ASXL3: variants seen among roughly 807,000 people sequenced by gnomAD.
ASXL3 encodes ASXL transcriptional regulator 3, also known as putative Polycomb group protein ASXL3.
Under a neutral mutation model 170.6 loss-of-function variants are expected in ASXL3, and 34 were observed. That is an observed-to-expected ratio of 0.20 (90% CI 0.15 to 0.27). The LOEUF is 0.27. ASXL3 is among the 10% of genes least tolerant of loss of function. ASXL3 has a pLI of 1.00. For synonymous variants in ASXL3, 1,002 were observed against 989.1 expected (o/e 1.01, Z -0.24); for missense variants, 2,592 against 2,695.3 (o/e 0.96, Z 0.85).
chr18:33,674,907 C>T (rs556017172), intron 7 of ASXL3, among the ~76,000 whole-genome samples: 5 of 152,186 alleles, frequency 3.3e-5, no homozygotes, highest in East Asian at 1.9e-4. Flanking sequence ...CGTGAGCCAC[C>T]GCACCCAGCC....
At chr18:33,683,293 A>C (rs1023655636) in intron 7 of ASXL3, 112 bp from the exon 8 acceptor site, 18 of 929,264 alleles carry the variant, frequency 1.9e-5, no homozygotes, top group Middle Eastern at 2.2e-4. Context: ...AGAAGTAAAC[A>C]TAAAATTGAA....
chr18:33,745,152 A>G lies in ASXL3; in HGVS notation c.5304A>G (p.Arg1768=). The G allele has an allele frequency of 5.0e-6, 8 of 1,614,020 alleles. No homozygotes were observed. Among genetic ancestry groups the G allele is most frequent in the Non-Finnish European group, 6.8e-6 (8 of 1,179,894 alleles). The stretch of plus-strand genomic sequence containing the variant: ...TGGAAAAAGTGTTGCCACAGCCCAG[A>G]TTGGGAGCCAAGCTTGAAATCAACA... ...LPLEKVLPQP[R]LGAKLEINRL... The change falls in exon 12 of 12, where the codon AGA becomes AGG. Residue 1768 remains arginine, a synonymous_variant. Transcript: ENST00000269197.
intron 5 of ASXL3, among the ~76,000 whole-genome samples, chr18:33,663,434 G>A (rs530339905): frequency 2.6e-5 from 4 of 152,042 alleles, no homozygotes; most frequent in African/African-American, 7.2e-5. Context: ...CATCATTTTG[G>A]TTTTGTATTA....
intron 2 of ASXL3, among the ~76,000 whole-genome samples, chr18:33,634,221 G>T (rs2065731290): frequency 6.6e-6 from 1 of 151,790 alleles, no homozygotes; most frequent in South Asian, 2.1e-4. Flanking sequence ...CACATTGTGA[G>T]GAAGAAAATA....
chr18:33,744,840 T>C lies in ASXL3; in HGVS notation c.4992T>C (p.Val1664=), dbSNP rs1295066960. Residue 1664 remains valine (V), a synonymous_variant, in exon 12 of 12, where the codon GTT becomes GTC. Transcript: ENST00000269197. ...ATCCCAGGAATCTTGTAACAAATGT[T>C]GCTCTTCCTGTGAAATCTGAACTTC... is the stretch of plus-strand genomic sequence containing the variant. ...ELHPRNLVTN[V]ALPVKSELHE... The C allele has an allele frequency of 6.2e-7, 1 of 1,614,048 alleles. No homozygotes were observed. Among genetic ancestry groups the C allele is most frequent in the Non-Finnish European group, 8.5e-7 (1 of 1,179,888 alleles).
chr18:33,677,495 T>G (rs912116857), intron 7 of ASXL3, among the ~76,000 whole-genome samples: 4 of 152,054 alleles, frequency 2.6e-5, no homozygotes, highest in African/African-American at 9.7e-5. Context: ...TATCTAAAAG[T>G]TTTCTCCAGA....
chr18:33,686,895 C>A (rs1275061472), intron 8 of ASXL3, among the ~76,000 whole-genome samples: 1 of 152,026 alleles, frequency 6.6e-6, no homozygotes, highest in Admixed American at 6.6e-5. Flanking sequence ...TTTTTGGGAG[C>A]AGGTATCTCT....
intron 8 of ASXL3, among the ~76,000 whole-genome samples, chr18:33,687,465 A>G (rs1482318102): frequency 6.6e-6 from 1 of 152,176 alleles, no homozygotes; most frequent in East Asian, 1.9e-4. Context: ...ATATTTTACA[A>G]AATCTGAAAC....
At chr18:33,604,585 C>G (rs751879113) in intron 1 of ASXL3, among the ~76,000 whole-genome samples, 10 of 151,894 alleles carry the variant, frequency 6.6e-5, no homozygotes, top group Non-Finnish European at 1.3e-4. Flanking sequence ...TCAGTGGAAC[C>G]TAGTGGGACC....
chr18:33,697,116 T>A (rs569725791), intron 8 of ASXL3, among the ~76,000 whole-genome samples: 2 of 152,134 alleles, frequency 1.3e-5, no homozygotes, highest in Admixed American at 6.6e-5. Flanking sequence ...TAGAAAAGAT[T>A]TGGCAGTTTA....
intron 8 of ASXL3, among the ~76,000 whole-genome samples, chr18:33,700,630 C>T (rs893608994): frequency 2.0e-5 from 3 of 152,148 alleles, no homozygotes; most frequent in Admixed American, 6.5e-5. Context: ...TCACTGAAAG[C>T]AGCACATCAG....
At chr18:33,670,956 T>A (rs1435342477) in intron 6 of ASXL3, among the ~76,000 whole-genome samples, 166 bp downstream of exon 6, 1 of 152,208 alleles carries the variant, frequency 6.6e-6, no homozygotes, top group Non-Finnish European at 1.5e-5. Flanking sequence ...TATAGACTAT[T>A]TCCAGTTCAG....
intron 5 of ASXL3, among the ~76,000 whole-genome samples, chr18:33,663,661 T>C (rs1395352150): frequency 6.6e-6 from 1 of 152,138 alleles, no homozygotes; most frequent in East Asian, 1.9e-4. Context: ...AGCAAATAAG[T>C]AACCAGGAGA....
rs1488302340 is a variant in ASXL3 at position 33,744,421 on chromosome 18, C to T, written c.4573C>T (p.Pro1525Ser). Residue 1525 changes from proline to serine, a missense_variant, in exon 12 of 12, where the codon CCT becomes TCT. Pro to Ser is a moderately conservative substitution (Grantham distance 74, BLOSUM62 -1). Around this residue, in one of 4 missense-constraint regions of ASXL3, gnomAD observed 2,246 missense variants for 2,219.6 expected, o/e 1.01. Coordinates refer to ENST00000269197, the MANE Select transcript of ASXL3 (RefSeq NM_030632.3). ...TCCTCAGGTGTCTGTGATTAGCAGG[C>T]CTGAGCCAGTTGCCAACGAAGGTAT... The part of the protein sequence containing the change: ...ACPQVSVISR[P>S]EPVANEGIDH... 3.1e-6 allele frequency: 5 copies of T among 1,613,806 alleles called. No individual in the cohort carries two copies. Among genetic ancestry groups the T allele is most frequent in the Non-Finnish European group, 4.2e-6 (5 of 1,179,806 alleles).
chr18:33,701,053 T>C lies in ASXL3; in HGVS notation c.879+17485T>C, dbSNP rs185959705. On this transcript the variant is annotated intron_variant, in intron 8 of 11. Transcript: ENST00000269197. ...AAAAGATCTGTTGTTTTTTGTCTTTTTTTTTTAAAAGTTATTAGCTATACA... is the reference window on the plus strand; with the variant it reads ...AAAAGATCTGTTGTTTTTTGTCTTTCTTTTTTAAAAGTTATTAGCTATACA... Among the ~76,000 whole-genome samples the C allele has an allele frequency of 5.0e-3, 759 of 152,218 alleles. 5 individuals carry two copies. The highest frequency in any genetic ancestry group is 0.014 in the Middle Eastern group (4 of 294).
At chr18:33,613,162 T>A (rs2065364082) in intron 2 of ASXL3, among the ~76,000 whole-genome samples, 1 of 152,150 alleles carries the variant, frequency 6.6e-6, no homozygotes, top group East Asian at 1.9e-4. Flanking sequence ...AGATTAGAAA[T>A]CTCAATCAGT....
At chr18:33,591,353 G>A (rs2065075329) in intron 1 of ASXL3, among the ~76,000 whole-genome samples, 1 of 152,116 alleles carries the variant, frequency 6.6e-6, no homozygotes, top group Non-Finnish European at 1.5e-5. Flanking sequence ...TCTGTCCTGG[G>A]CAGAGTTGCT....
chr18:33,735,496 A>G (rs2067530071), intron 10 of ASXL3, among the ~76,000 whole-genome samples: 1 of 152,208 alleles, frequency 6.6e-6, no homozygotes, highest in African/African-American at 2.4e-5. Flanking sequence ...AAATGTGACA[A>G]GCTAGTTGTT....
rs1599584371 is a variant in ASXL3 at position 33,749,492 on chromosome 18, G to T, written c.*2897G>T. On this transcript the variant is annotated 3_prime_UTR_variant, in exon 12 of 12. Coordinates refer to ENST00000269197, the MANE Select transcript of ASXL3 (RefSeq NM_030632.3). Reference sequence around the variant, plus strand: ...TATTTCCCTAAGTAGCACTTTTGGAGCAGGGGAAGGAAGAAAACTGCTATT... The same window carrying T: ...TATTTCCCTAAGTAGCACTTTTGGATCAGGGGAAGGAAGAAAACTGCTATT... 1.3e-5 allele frequency: 2 copies of T among 151,836 alleles called. No individual in the cohort carries two copies. Among genetic ancestry groups the T allele is most frequent in the South Asian group, 4.2e-4 (2 of 4,798 alleles). 9.4% of individuals were successfully genotyped at this position (151,836 alleles called of 1,614,324 possible).
Sources: allele counts gnomAD v4.1 joint callset (sites outside exome capture counted in the v4.1 genomes callset), GRCh38; gene constraint gnomAD v4.1.1; regional missense constraint gnomAD v4.1.1; transcripts MANE v1.5; gene names NCBI Gene and HGNC (gene_info 2026-07-23, HGNC 2026-07-21).